AFF3: variants seen among roughly 807,000 people sequenced by gnomAD.
AFF3 encodes ALF transcription elongation factor 3, also known as AF4/FMR2 family member 3.
Under a neutral mutation model 129.7 loss-of-function variants are expected in AFF3, and 32 were observed. That is an observed-to-expected ratio of 0.25 (90% confidence interval 0.19 to 0.33). AFF3 has a LOEUF of 0.33. Among genes scored for constraint, AFF3 ranks in the 10% least tolerant of loss-of-function variants. AFF3 has a pLI of 1.00. For missense variants in AFF3, 1,373 were observed against 1,592.0 expected (o/e 0.86, Z 2.34); for synonymous variants, 644 against 635.4 (o/e 1.01, Z -0.20).
intron 7 of AFF3, among the ~76,000 whole-genome samples, chr2:99,895,235 G>C (rs1275929474): frequency 6.6e-6 from 1 of 152,224 alleles, no homozygotes; most frequent in Non-Finnish European, 1.5e-5. Flanking sequence ...AAATTGTATA[G>C]ATACTGCCAA....
chr2:99,733,561 T>C lies in AFF3; in HGVS notation c.1040-6433A>G, dbSNP rs550034390. ...TTTAAGAAAAACATCAGAAAAATGT[T>C]TTATACTGTCTTCTAAAAGTATATA... On this transcript the variant is annotated intron_variant, in intron 10 of 24. Transcript: ENST00000672756. 7.2e-5 allele frequency among the ~76,000 whole-genome samples: 11 copies of C among 152,254 alleles called. No homozygotes were observed. The East Asian group carries it at 2.1e-3, about 29-fold the overall frequency.
At chr2:99,747,939 G>A (rs548958015) in intron 9 of AFF3, among the ~76,000 whole-genome samples, 76 of 152,186 alleles carry the variant, frequency 5.0e-4, no homozygotes, top group Non-Finnish European at 6.8e-4. Flanking sequence ...CATTCTTACC[G>A]GCATTTGGCC....
At chr2:99,571,119 G>A (rs1676436869) in intron 18 of AFF3, among the ~76,000 whole-genome samples, 2 of 152,198 alleles carry the variant, frequency 1.3e-5, no homozygotes, top group Admixed American at 1.3e-4. Flanking sequence ...CACGGTAGAA[G>A]GTAAGCAGGT....
At chr2:99,831,745 G>C (rs1688531770) in intron 8 of AFF3, among the ~76,000 whole-genome samples, 1 of 152,124 alleles carries the variant, frequency 6.6e-6, no homozygotes. Flanking sequence ...AATGTGAACG[G>C]ACTATATGGA....
At chr2:99,613,049 A>G (rs1486550896) in intron 13 of AFF3, among the ~76,000 whole-genome samples, 2 of 152,250 alleles carry the variant, frequency 1.3e-5, no homozygotes, top group African/African-American at 2.4e-5. Flanking sequence ...CTTTTCACCA[A>G]TAAAACACAT....
intron 7 of AFF3, among the ~76,000 whole-genome samples, chr2:99,998,371 T>TGGG (rs760077838): frequency 3.3e-5 from 5 of 150,818 alleles, no homozygotes; most frequent in African/African-American, 1.2e-4. Flanking sequence ...AACATGAAAG[T>TGGG]GGGGGGTTTC....
chr2:99,767,301 T>G (rs17023084), intron 8 of AFF3, among the ~76,000 whole-genome samples: 20,674 of 152,158 alleles, frequency 0.14, 3,063 homozygotes, highest in African/African-American at 0.37. Flanking sequence ...TGCTGCATGG[T>G]TCTGATGGGT....
chr2:100,052,572 C>G (rs542302632), intron 4 of AFF3, among the ~76,000 whole-genome samples: 2 of 152,136 alleles, frequency 1.3e-5, no homozygotes, highest in Non-Finnish European at 2.9e-5. Flanking sequence ...CTCCTTGTCC[C>G]CACTCTATGT....
intron 7 of AFF3, among the ~76,000 whole-genome samples, chr2:99,897,247 A>C (rs529581574): frequency 4.6e-5 from 7 of 152,346 alleles, no homozygotes; most frequent in African/African-American, 1.7e-4. Flanking sequence ...CTTTTTATTC[A>C]GCAGCAAGTA....
chr2:99,861,793 C>T (rs1691017528), intron 7 of AFF3, among the ~76,000 whole-genome samples: 1 of 152,172 alleles, frequency 6.6e-6, no homozygotes, highest in South Asian at 2.1e-4. Context: ...CTGTGCTCTT[C>T]AATTATCTCA....
intron 7 of AFF3, among the ~76,000 whole-genome samples, chr2:99,981,180 G>A (rs1302376903): frequency 1.3e-5 from 2 of 151,968 alleles, no homozygotes; most frequent in African/African-American, 2.4e-5. Flanking sequence ...CACCATGCCC[G>A]GCTAATTTTG....
chr2:99,587,778 G>A (rs1051721897), intron 15 of AFF3, among the ~76,000 whole-genome samples: 1 of 151,548 alleles, frequency 6.6e-6, no homozygotes, highest in Admixed American at 6.6e-5. Flanking sequence ...TTGGGAGGCC[G>A]AGGCAGGCGA....
intron 13 of AFF3, among the ~76,000 whole-genome samples, chr2:99,619,430 C>T (rs1296945672): frequency 6.6e-6 from 1 of 152,186 alleles, no homozygotes. Context: ...TGGGTGAGGA[C>T]ACTCAGGGCA....
intron 7 of AFF3, chr2:100,006,002 T>C (rs977745114): frequency 7.2e-5 from 11 of 152,206 alleles, no homozygotes; most frequent in African/African-American, 2.7e-4. Flanking sequence ...GTATGCATGG[T>C]CATATTTTTT....
intron 7 of AFF3, among the ~76,000 whole-genome samples, chr2:99,879,459 T>C (rs1384410552): frequency 6.6e-6 from 1 of 152,210 alleles, no homozygotes; most frequent in Non-Finnish European, 1.5e-5. Context: ...CATTAAAAAC[T>C]ACAGCGTGTG....
At chr2:99,834,931 C>CA (rs1383552135) in intron 8 of AFF3, among the ~76,000 whole-genome samples, 1 of 152,172 alleles carries the variant, frequency 6.6e-6, no homozygotes, top group African/African-American at 2.4e-5. Flanking sequence ...GTTGGTCCAA[C>CA]ACCTCAGACC....
chr2:99,657,193 T>C, intron 12 of AFF3, among the ~76,000 whole-genome samples: 1 of 152,168 alleles, frequency 6.6e-6, no homozygotes, highest in Non-Finnish European at 1.5e-5. Flanking sequence ...GACGAATCCT[T>C]CTAATTCCTA....
chr2:99,993,099 G>A (rs1478626421), intron 7 of AFF3, among the ~76,000 whole-genome samples: 2 of 152,196 alleles, frequency 1.3e-5, no homozygotes, highest in Non-Finnish European at 2.9e-5. Flanking sequence ...CAGAATAAAG[G>A]GAGTCCAATG....
chr2:99,747,727 T>C (rs148967781), intron 9 of AFF3, among the ~76,000 whole-genome samples: 1 of 152,102 alleles, frequency 6.6e-6, no homozygotes, highest in East Asian at 1.9e-4. Context: ...ATAATTGGTA[T>C]AAAAAAAATC....
Sources: gnomAD v4.1 joint callset for allele counts (sites outside exome capture counted in the v4.1 genomes callset) on GRCh38, gnomAD v4.1.1 for gene constraint, MANE v1.5 for transcripts, NCBI Gene and HGNC (gene_info 2026-07-23, HGNC 2026-07-21) for gene names.